WNK2: variants seen among roughly 807,000 people sequenced by gnomAD.
WNK2 encodes the protein serine/threonine-protein kinase WNK2.
WNK2 carries 67 observed loss-of-function variants against 192.1 expected under a neutral mutation model. That is an observed-to-expected ratio of 0.35 (90% CI 0.29 to 0.43). The LOEUF (loss-of-function observed/expected upper bound fraction) is 0.43. WNK2 is among the 20% of genes least tolerant of loss of function. The pLI is 1.00. For synonymous variants in WNK2, 1,439 were observed against 1,393.9 expected, an observed-to-expected ratio of 1.03 and a Z score of -0.72; for missense variants, 2,698 against 3,089.7, an observed-to-expected ratio of 0.87 and a Z score of 3.01.
intron 2 of WNK2, among the ~76,000 whole-genome samples, chr9:93,204,429 G>A (rs1833012169): frequency 6.6e-6 from 1 of 152,246 alleles, no homozygotes; most frequent in Non-Finnish European, 1.5e-5. Flanking sequence ...GTTTGGAATG[G>A]GGGCCAGAAA....
rs1283767073 is a variant in WNK2, at chr9:93,234,803, C to T, written c.1076-5C>T. ...GACAGCTGCGTCTGTTGCTTCCGGG[C>T]ACAGGTACTCCCGAGTTCATGGCGC... On this transcript the variant is annotated splice_polypyrimidine_tract_variant and splice_region_variant and intron_variant, in intron 4 of 29. Transcript: ENST00000427277. The T allele has an allele frequency of 6.2e-7, 1 of 1,610,524 alleles. No homozygotes were observed.
At chr9:93,202,664 A>T (rs1832670441) in intron 2 of WNK2, among the ~76,000 whole-genome samples, 1 of 151,382 alleles carries the variant, frequency 6.6e-6, no homozygotes, top group Non-Finnish European at 1.5e-5. Context: ...GGCAGGTGGC[A>T]TGGTGGGGGC....
intron 28 of WNK2, chr9:93,316,437 T>G (rs537349403): frequency 6.6e-6 from 1 of 152,362 alleles, no homozygotes; most frequent in Non-Finnish European, 1.5e-5. Flanking sequence ...TGGCATCTTT[T>G]TTGTTTCTCT....
In WNK2 at chr9:93,259,473, C is replaced by A; in HGVS notation, c.2925C>A (p.Pro975=). Residue 975 remains proline (P), a synonymous_variant, in exon 12 of 30, where the codon CCC becomes CCA. Transcript: ENST00000427277. The surrounding 1 kb of genome is among the most constrained non-coding windows in gnomAD (Gnocchi z 4.8). ...QPVLPPQPTR[P]PQPVLPPQPM... ...TGTTGCCCCCGCAACCCACACGGCC[C>A]CCTCAACCTGTGCTGCCCCCGCAAC... 1 of 1,490,754 alleles carries A rather than the reference C, an allele frequency of 6.7e-7. No individual in the cohort carries two copies. The highest frequency in any genetic ancestry group is 2.4e-5 in the East Asian group (1 of 40,830). 92.3% of individuals were successfully genotyped at this position (1,490,754 alleles called of 1,614,324 possible).
At chr9:93,319,111 T>C in intron 29 of WNK2, 1 of 1,614,090 alleles carries the variant, frequency 6.2e-7, no homozygotes, top group Non-Finnish European at 8.5e-7. Flanking sequence ...CTGTCCCCCT[T>C]GCCTGTGAAT....
At chr9:93,208,780 C>T (rs905532651) in intron 2 of WNK2, among the ~76,000 whole-genome samples, 5 of 124 alleles carry the variant, frequency 0.04, no homozygotes, top group African/African-American at 0.042. Flanking sequence ...GTGTGTTCTG[C>T]GGCTGTGTGT....
intron 9 of WNK2, among the ~76,000 whole-genome samples, chr9:93,255,310 C>T (rs1005465619): frequency 6.6e-6 from 1 of 152,216 alleles, no homozygotes; most frequent in Non-Finnish European, 1.5e-5. Context: ...CCAGGCTGCC[C>T]TGGAGGCTGT....
At chr9:93,298,918 C>T (rs76751467) in intron 24 of WNK2, among the ~76,000 whole-genome samples, 152 bp from the exon 25 acceptor site, 3,544 of 152,314 alleles carry the variant, frequency 0.023, 143 homozygotes, top group African/African-American at 0.08. Flanking sequence ...CATCACTCCT[C>T]TGTGGGAGAT....
intron 7 of WNK2, among the ~76,000 whole-genome samples, chr9:93,243,665 G>T (rs1319480795): frequency 6.6e-6 from 1 of 152,150 alleles, no homozygotes; most frequent in African/African-American, 2.4e-5. Context: ...CCTACCTTGG[G>T]GCTCACTCCC....
chr9:93,274,338 C>G (rs1287329460), intron 19 of WNK2, among the ~76,000 whole-genome samples: 1 of 151,938 alleles, frequency 6.6e-6, no homozygotes, highest in East Asian at 1.9e-4. Flanking sequence ...CGGTGAAACC[C>G]CGTCTCTACT....
In WNK2 at chr9:93,261,694, G is replaced by T. The variant is rs1844282106; in HGVS notation, c.3067-120G>T. On this transcript the variant is annotated intron_variant, in intron 12 of 29. Transcript: ENST00000427277. ...GAGACAGGGACTCCCCTTGGGGAGG[G>T]TGTGGTCTGGAGAGGGGTGTTCCCA... 6 of 1,169,516 alleles carry T rather than the reference G, an allele frequency of 5.1e-6. No individual in the cohort carries two copies. The East Asian group carries it at 7.1e-5, about 14-fold the overall frequency. The allele number at this position is 1,169,516 out of a possible 1,614,324, so 72.4% of individuals were successfully genotyped here.
chr9:93,204,302 C>T (rs781005017), intron 2 of WNK2, among the ~76,000 whole-genome samples: 2 of 152,070 alleles, frequency 1.3e-5, no homozygotes, highest in East Asian at 1.9e-4. Context: ...GGGAGGCAGA[C>T]GAGGGCGGGC....
intron 2 of WNK2, among the ~76,000 whole-genome samples, chr9:93,223,302 A>G (rs906737823): frequency 1.3e-5 from 2 of 152,158 alleles, no homozygotes; most frequent in Admixed American, 6.5e-5. Context: ...CTGTAGTGAC[A>G]TAAACCACCC....
At chr9:93,297,682 G>C (rs1016484269) in intron 23 of WNK2, among the ~76,000 whole-genome samples, 171 bp from the exon 24 acceptor site, 4 of 152,250 alleles carry the variant, frequency 2.6e-5, no homozygotes, top group African/African-American at 9.6e-5. Flanking sequence ...TGAACAAACA[G>C]TGTCATTTTA....
Position 93,292,831 on chromosome 9 carries a change from G to A in WNK2, c.5366G>A (p.Arg1789Gln), listed in dbSNP as rs780729757. The A allele has an allele frequency of 1.8e-5, 27 of 1,509,562 alleles. No individual in the cohort carries two copies. The highest frequency in any genetic ancestry group is 7.4e-5 in the East Asian group (3 of 40,746). The allele number at this position is 1,509,562 out of a possible 1,614,324, so 93.5% of individuals were successfully genotyped here. The change falls in exon 23 of 30, where the codon CGG (arginine) becomes CAG (glutamine). Residue 1789 changes from arginine to glutamine, a missense_variant. Arg to Gln is a conservative substitution (Grantham distance 43). Around this residue, in one of 7 missense-constraint regions of WNK2, gnomAD observed 1,098 missense variants for 1,101.0 expected, o/e 1.00. Transcript: ENST00000427277. ...AGCCCCGACGTGAAGCTGGCAGTGC[G>A]GCGGGCGCAGACGGCCTCCTCCATC... ...PSSPDVKLAV[R>Q]RAQTASSIEV... is the part of the protein sequence containing the mutation.
chr9:93,268,064 C>T lies in WNK2; in HGVS notation c.3912C>T (p.Asn1304=), dbSNP rs578035612. The T allele has an allele frequency of 9.9e-5, 159 of 1,610,158 alleles. No homozygotes were observed. In the South Asian group the frequency reaches 1.3e-3, roughly 13 times the overall value. ...SQANAPVYQQ[N]VLHTGKRWFI... ...CCAACGCCCCCGTGTATCAGCAGAA[C>T]GGTGAGTCTGCAACTTCCCTCCCTG... The change falls in exon 18 of 30, where the codon AAC becomes AAT. Residue 1304 remains asparagine (N), a splice_region_variant and synonymous_variant. Transcript: ENST00000427277.
rs1840114167 is a variant in WNK2 at position 93,238,012 on chromosome 9, CTGGG to C, written c.1234-220_1234-217del. On this transcript the variant is annotated intron_variant, in intron 5 of 29. Coordinates refer to ENST00000427277, the MANE Select transcript of WNK2 (RefSeq NM_006648.4). Reference sequence around the variant, plus strand: ...TCTGGGAACTGCTCTGGGCAGTGAGCTGGGGCCATGGGAGATTGTGTCCCTTTCT... The same window carrying C: ...TCTGGGAACTGCTCTGGGCAGTGAGCGCCATGGGAGATTGTGTCCCTTTCT... 2.0e-5 allele frequency among the ~76,000 whole-genome samples: 3 copies of C among 152,328 alleles called. No individual in the cohort carries two copies. The South Asian group carries it at 6.2e-4, about 32-fold the overall frequency.
chr9:93,222,010 T>G (rs1836988846), intron 2 of WNK2, among the ~76,000 whole-genome samples: 1 of 152,174 alleles, frequency 6.6e-6, no homozygotes, highest in Non-Finnish European at 1.5e-5. Context: ...TGATGACACA[T>G]TTTACATCCC....
chr9:93,263,717 C>T lies in WNK2; in HGVS notation c.3562C>T (p.Arg1188Trp), dbSNP rs1443371421. 1.9e-5 allele frequency: 29 copies of T among 1,508,744 alleles called. No homozygotes were observed. Among genetic ancestry groups the T allele is most frequent in the African/African-American group, 2.8e-5 (2 of 70,534 alleles). The allele number at this position is 1,508,744 out of a possible 1,614,324, so 93.5% of individuals were successfully genotyped here. A position where few individuals can be genotyped will look rare whatever the true frequency, so the allele number is the denominator to read the frequency against. Residue 1188 changes from arginine (R) to tryptophan (W), a missense_variant, in exon 15 of 30, where the codon CGG becomes TGG. Physicochemically the swap from Arg to Trp is moderately radical, Grantham distance 101 (BLOSUM62 -3). Coordinates refer to ENST00000427277, the MANE Select transcript of WNK2 (RefSeq NM_006648.4). ...RSRQERASRP[R>W]LTILNVCNTG... ...CCGGCAGGAGAGGGCCAGCCGGCCC[C>T]GGCTTACCATCTTGAACGTGAGTGG...
Sources: allele counts gnomAD v4.1 joint callset (sites outside exome capture counted in the v4.1 genomes callset), GRCh38; gene constraint gnomAD v4.1.1; regional missense constraint gnomAD v4.1.1; non-coding constraint Gnocchi (gnomAD v3.1); transcripts MANE v1.5; gene names NCBI Gene and HGNC (gene_info 2026-07-23, HGNC 2026-07-21).